The following STXBP6 variants were observed in gnomAD, a reference collection of about 807,000 sequenced individuals.
The protein encoded by STXBP6 is syntaxin binding protein 6.
In STXBP6, 21 loss-of-function variants were observed where a neutral mutation model predicts 26.9. The observed-to-expected ratio is 0.78, with a 90% confidence interval of 0.55 to 1.12. The LOEUF is 1.12. Among genes scored for constraint, STXBP6 ranks in the 50% most tolerant of loss-of-function variants. STXBP6 has a pLI of 0.00. For synonymous variants in STXBP6, 97 were observed against 92.6 expected (o/e 1.05, Z -0.27); for missense variants, 232 against 257.9 (o/e 0.90, Z 0.69).
intron 2 of STXBP6, among the ~76,000 whole-genome samples, chr14:24,968,313 G>T (rs939760205): frequency 3.3e-5 from 5 of 151,660 alleles, no homozygotes; most frequent in African/African-American, 1.2e-4. Flanking sequence ...ACTTACCACT[G>T]CTGAATAAAC....
intron 2 of STXBP6, among the ~76,000 whole-genome samples, chr14:24,930,063 T>C (rs2072325930): frequency 6.6e-6 from 1 of 152,250 alleles, no homozygotes; most frequent in Non-Finnish European, 1.5e-5. Flanking sequence ...AGAAATATTT[T>C]ATTTCATTAA....
intron 2 of STXBP6, among the ~76,000 whole-genome samples, chr14:24,881,991 C>A (rs1303409965): frequency 6.6e-6 from 1 of 152,082 alleles, no homozygotes; most frequent in Non-Finnish European, 1.5e-5. Context: ...ATTGGCAGGG[C>A]CCTCCTCTCA....
At chr14:24,851,633 G>C (rs376304689) in intron 4 of STXBP6, among the ~76,000 whole-genome samples, 13 of 152,130 alleles carry the variant, frequency 8.5e-5, no homozygotes, top group African/African-American at 3.1e-4. Context: ...GTCATCACAC[G>C]TATAACAGTA....
rs914274097 is a variant in STXBP6 at position 25,013,027 on chromosome 14, G to A, written c.-33+36851C>T. On this transcript the variant is annotated intron_variant, in intron 1 of 5. Transcript: ENST00000323944. ...GGATTGCTTGAACCCAGTAGTCTGAGGCTGCAGTGAGCTACGATAGTTGCA... is the reference window on the plus strand; with the variant it reads ...GGATTGCTTGAACCCAGTAGTCTGAAGCTGCAGTGAGCTACGATAGTTGCA... Among the ~76,000 whole-genome samples the A allele has an allele frequency of 2.0e-5, 3 of 152,148 alleles. No individual in the cohort carries two copies. The East Asian group carries it at 5.8e-4, about 29-fold the overall frequency.
At chr14:24,829,832 G>A (rs1467603093) in intron 4 of STXBP6, among the ~76,000 whole-genome samples, 2 of 152,066 alleles carry the variant, frequency 1.3e-5, no homozygotes, top group Non-Finnish European at 2.9e-5. Flanking sequence ...CAGGAGGCAG[G>A]ATGTGTATGG....
At chr14:24,852,338 C>T (rs960108497) in intron 4 of STXBP6, among the ~76,000 whole-genome samples, 1 of 152,128 alleles carries the variant, frequency 6.6e-6, no homozygotes, top group Non-Finnish European at 1.5e-5. Context: ...TAAAATTCCC[C>T]AGGCTTTGTC....
chr14:25,036,871 A>AG (rs1223762864), intron 1 of STXBP6, among the ~76,000 whole-genome samples: 2 of 151,900 alleles, frequency 1.3e-5, no homozygotes, highest in African/African-American at 2.4e-5. Context: ...AAAAAAAAAA[A>AG]AAAAGAAATC....
chr14:24,989,120 C>A (rs974075436), intron 1 of STXBP6, among the ~76,000 whole-genome samples: 2 of 152,072 alleles, frequency 1.3e-5, no homozygotes, highest in Non-Finnish European at 2.9e-5. Flanking sequence ...AGGCTCGCAC[C>A]CCCCACCATC....
At chr14:24,979,498 T>C (rs2074131914) in intron 1 of STXBP6, among the ~76,000 whole-genome samples, 1 of 152,116 alleles carries the variant, frequency 6.6e-6, no homozygotes, top group Non-Finnish European at 1.5e-5. Context: ...AAGTTAGAAA[T>C]AAGAGAAATA....
Position 25,049,690 on chromosome 14 carries a change from G to C in STXBP6, c.-33+188C>G. 1 of 985,714 alleles carries C rather than the reference G, an allele frequency of 1.0e-6. No homozygotes were observed. Among genetic ancestry groups the C allele is most frequent in the Non-Finnish European group, 1.2e-6 (1 of 830,208 alleles). The allele number at this position is 985,714 out of a possible 1,614,324, so 61.1% of individuals were successfully genotyped here. On this transcript the variant is annotated intron_variant, in intron 1 of 5. Coordinates refer to ENST00000323944, the MANE Select transcript of STXBP6 (RefSeq NM_001394410.1). The surrounding 1 kb of genome is among the most constrained non-coding windows in gnomAD (Gnocchi z 5.6). ...GCGCACAAAGCAGCTGCGCCGGGGC[G>C]CGCGGCCCCCTCTCCCGCCACCCGC...
intron 2 of STXBP6, among the ~76,000 whole-genome samples, chr14:24,936,900 C>T (rs887702040): frequency 6.6e-6 from 1 of 152,184 alleles, no homozygotes; most frequent in Non-Finnish European, 1.5e-5. Context: ...AAATATCCAT[C>T]AATGATAGAC....
At chr14:24,870,175 C>G (rs2069875745) in intron 2 of STXBP6, among the ~76,000 whole-genome samples, 1 of 152,092 alleles carries the variant, frequency 6.6e-6, no homozygotes, top group South Asian at 2.1e-4. Context: ...CCTCAGTTTA[C>G]TTTGACTGGA....
chr14:24,902,005 C>A (rs545838314), intron 2 of STXBP6, among the ~76,000 whole-genome samples: 27 of 152,210 alleles, frequency 1.8e-4, no homozygotes. Flanking sequence ...GCATGTACAT[C>A]ATGCCTCAAT....
At chr14:24,921,544 A>G (rs2071978264) in intron 2 of STXBP6, among the ~76,000 whole-genome samples, 2 of 152,114 alleles carry the variant, frequency 1.3e-5, no homozygotes, top group South Asian at 2.1e-4. Flanking sequence ...CAACTTTACT[A>G]TAAGAGGGTA....
chr14:24,981,126 A>AATGTAAT (rs2074181290), intron 1 of STXBP6, among the ~76,000 whole-genome samples: 2 of 152,270 alleles, frequency 1.3e-5, no homozygotes, highest in Non-Finnish European at 2.9e-5. Flanking sequence ...GTAAAGCCCT[A>AATGTAAT]GTAATGAATC....
Position 24,974,649 on chromosome 14 carries a change from A to G in STXBP6, c.154+16T>C. On this transcript the variant is annotated intron_variant, in intron 2 of 5. Coordinates refer to ENST00000323944, the MANE Select transcript of STXBP6 (RefSeq NM_001394410.1). ...TGGAAGTTATTTTAATAATATTAAT[A>G]TCTGGTTCTCATTACCTGACAGGCA... The G allele has an allele frequency of 6.5e-7, 1 of 1,541,082 alleles. No homozygotes were observed. The highest frequency in any genetic ancestry group is 1.2e-5 in the South Asian group (1 of 82,326).
At position 24,816,741 on chromosome 14, in the gene STXBP6, T is replaced by C. The variant is rs577336658; in HGVS notation, c.609+2296A>G. ...TTTCAAGGGCTGATCTGTGTTTAGATAGTATCAACATTTAGCATGAGGGCC... is the reference window on the plus strand; with the variant it reads ...TTTCAAGGGCTGATCTGTGTTTAGACAGTATCAACATTTAGCATGAGGGCC... On this transcript the variant is annotated intron_variant, in intron 5 of 5. Coordinates refer to ENST00000323944, the MANE Select transcript of STXBP6 (RefSeq NM_001394410.1). 3.3e-5 allele frequency: 5 copies of C among 152,196 alleles called. No homozygotes were observed. In the East Asian group the frequency reaches 9.7e-4, roughly 30 times the overall value. The allele number at this position is 152,196 out of a possible 1,614,324, so 9.4% of individuals were successfully genotyped here.
intron 2 of STXBP6, among the ~76,000 whole-genome samples, chr14:24,971,378 A>C (rs570997308): frequency 6.6e-6 from 1 of 152,338 alleles, no homozygotes; most frequent in South Asian, 2.1e-4. Flanking sequence ...AGAATGGTTA[A>C]AAATTATTTG....
chr14:24,905,556 C>T (rs932926731), intron 2 of STXBP6, among the ~76,000 whole-genome samples: 1 of 152,144 alleles, frequency 6.6e-6, no homozygotes, highest in African/African-American at 2.4e-5. Context: ...GCTATTCAGA[C>T]CTAAAAATAA....
Sources: allele counts gnomAD v4.1 joint callset (sites outside exome capture counted in the v4.1 genomes callset), GRCh38; gene constraint gnomAD v4.1.1; non-coding constraint Gnocchi (gnomAD v3.1); transcripts MANE v1.5; gene names NCBI Gene and HGNC (gene_info 2026-07-23, HGNC 2026-07-21).